The following ONECUT1 variants were observed in gnomAD, a reference collection of about 807,000 sequenced individuals.
ONECUT1 encodes the protein one cut homeobox 1, also known as hepatocyte nuclear factor 6.
A neutral mutation model predicts 25.6 loss-of-function variants in ONECUT1; 12 were observed. The observed-to-expected ratio is 0.47, with a 90% CI of 0.30 to 0.76. The LOEUF (loss-of-function observed/expected upper bound fraction) is 0.76. Ranked by LOEUF, ONECUT1 falls within the 30% of genes least tolerant of loss-of-function variation. ONECUT1 has a pLI of 0.07. For synonymous variants in ONECUT1, 285 were observed against 270.2 expected (o/e 1.05, Z -0.54); for missense variants, 620 against 651.2 (o/e 0.95, Z 0.52).
chr15:52,757,874 A>G (rs1896057546), intron 1 of ONECUT1, 27 bp from the exon 2 acceptor site: 5 of 1,603,182 alleles, frequency 3.1e-6, no homozygotes, highest in Non-Finnish European at 4.3e-6. Flanking sequence ...AAGATGTTAG[A>G]ACAAATGGTC....
Position 52,784,369 on chromosome 15 carries a change from A to G in ONECUT1, c.1105+4411T>C, listed in dbSNP as rs2083860409. Among the ~76,000 whole-genome samples the G allele has an allele frequency of 6.6e-6, 1 of 152,206 alleles. No homozygotes were observed. Among genetic ancestry groups the G allele is most frequent in the South Asian group, 2.1e-4 (1 of 4,828 alleles). ...CCGGGATCCCTCTCCGGATGCTTCC[A>G]GGGCGATAGGTGCTGCACCCATTGA... On this transcript the variant is annotated intron_variant, in intron 1 of 1. Coordinates refer to ENST00000305901, the MANE Select transcript of ONECUT1 (RefSeq NM_004498.4). This position sits in a 1 kb window ranked among gnomAD's most constrained non-coding sequence, Gnocchi z 5.0.
In ONECUT1 at chr15:52,756,699, A is replaced by G. The variant is rs1443579043; in HGVS notation, c.*856T>C. On this transcript the variant is annotated 3_prime_UTR_variant, in exon 2 of 2. Transcript: ENST00000305901. ...CCAGTTCTGAAAACTCATATTTCAA[A>G]TGCTTCAAGAGTCATAAATAATAGT... is the stretch of plus-strand genomic sequence containing the variant. 1.3e-5 allele frequency among the ~76,000 whole-genome samples: 2 copies of G among 152,244 alleles called. No homozygotes were observed. Among genetic ancestry groups the G allele is most frequent in the Non-Finnish European group, 2.9e-5 (2 of 68,048 alleles).
chr15:52,784,520 C>T lies in ONECUT1; in HGVS notation c.1105+4260G>A, dbSNP rs998036839. Among the ~76,000 whole-genome samples, 7 of 152,186 alleles carry T rather than the reference C, an allele frequency of 4.6e-5. No individual in the cohort carries two copies. Among genetic ancestry groups the T allele is most frequent in the African/African-American group, 1.4e-4 (6 of 41,448 alleles). On this transcript the variant is annotated intron_variant, in intron 1 of 1. Coordinates refer to ENST00000305901, the MANE Select transcript of ONECUT1 (RefSeq NM_004498.4). This position sits in a 1 kb window ranked among gnomAD's most constrained non-coding sequence, Gnocchi z 5.0. ...CCTTAAGCCCCAGAAGTAGGTTTCC[C>T]CTGCCCCAGCCATAGCGGTTCCAGT...
At chr15:52,787,276 G>T (rs532643994) in intron 1 of ONECUT1, 1 of 152,350 alleles carries the variant, frequency 6.6e-6, no homozygotes, top group Non-Finnish European at 1.5e-5. Context: ...GGAAAACCTG[G>T]CAGGGCAGAG....
At chr15:52,774,548 C>T (rs1229792287) in intron 1 of ONECUT1, among the ~76,000 whole-genome samples, 1 of 152,164 alleles carries the variant, frequency 6.6e-6, no homozygotes, top group Non-Finnish European at 1.5e-5. Context: ...GATCCTCCCA[C>T]CTCGCCCTCC....
chr15:52,766,676 G>A (rs1366368523), intron 1 of ONECUT1, among the ~76,000 whole-genome samples: 1 of 152,248 alleles, frequency 6.6e-6, no homozygotes, highest in African/African-American at 2.4e-5. Context: ...GCATGGGATA[G>A]TTGTCTCCTT....
Position 52,788,852 on chromosome 15 carries a change from C to T in ONECUT1, c.1033G>A (p.Glu345Lys). The change falls in exon 1 of 2, where the codon GAG becomes AAG. Residue 345 changes from glutamate to lysine, a missense_variant. Physicochemically the swap from Glu to Lys is moderately conservative, Grantham distance 56. Transcript: ENST00000305901. The surrounding 1 kb of genome is among the most constrained non-coding windows in gnomAD (Gnocchi z 4.3). ...KPWSKLKSGR[E>K]TFRRMWKWLQ... ...CACTTCCACATCCTCCGGAAGGTCTCCCGGCCGGATTTGAGTTTGCTCCAG... is the reference window on the plus strand; with the variant it reads ...CACTTCCACATCCTCCGGAAGGTCTTCCGGCCGGATTTGAGTTTGCTCCAG... The T allele has an allele frequency of 1.9e-6, 3 of 1,614,158 alleles. No homozygotes were observed. The highest frequency in any genetic ancestry group is 2.5e-6 in the Non-Finnish European group (3 of 1,180,022).
intron 1 of ONECUT1, among the ~76,000 whole-genome samples, chr15:52,777,931 A>G (rs1306929088): frequency 6.6e-6 from 1 of 152,218 alleles, no homozygotes; most frequent in Admixed American, 6.5e-5. Flanking sequence ...CTCCCGTCCA[A>G]AAATGGCTGA....
intron 1 of ONECUT1, 90 bp from the exon 2 acceptor site, chr15:52,757,937 C>G (rs376533339): frequency 2.2e-6 from 3 of 1,370,962 alleles, no homozygotes. Context: ...GTTAGCCATT[C>G]CTCATGGCCT....
chr15:52,780,719 GTTTA>G (rs1205177067), intron 1 of ONECUT1: 15 of 1,504,480 alleles, frequency 1.0e-5, no homozygotes, highest in Middle Eastern at 1.7e-4. Flanking sequence ...TCGCTCGTTT[GTTTA>G]TTTAATTTTC....
chr15:52,765,091 A>T (rs2083726662), intron 1 of ONECUT1, among the ~76,000 whole-genome samples: 1 of 152,220 alleles, frequency 6.6e-6, no homozygotes, highest in African/African-American at 2.4e-5. Flanking sequence ...GGGGTAGGGA[A>T]CAACAATATC....
chr15:52,758,885 C>T (rs1258989373), intron 1 of ONECUT1, among the ~76,000 whole-genome samples: 2 of 152,158 alleles, frequency 1.3e-5, no homozygotes, highest in African/African-American at 4.8e-5. Context: ...TAACAATGCA[C>T]ACTGCCCCTC....
At position 52,789,656 on chromosome 15, in the gene ONECUT1, G is replaced by T. The variant is rs1202547947; in HGVS notation, c.229C>A (p.His77Asn). The change falls in exon 1 of 2, where the codon CAC becomes AAC. Residue 77 changes from histidine (H) to asparagine (N), a missense_variant. Physicochemically the swap from His to Asn is moderately conservative, Grantham distance 68. Around this residue, in one of 4 missense-constraint regions of ONECUT1, gnomAD observed 440 missense variants for 404.9 expected, o/e 1.09. Transcript: ENST00000305901. The surrounding 1 kb of genome is among the most constrained non-coding windows in gnomAD (Gnocchi z 4.1). ...DYHHHHRAPE[H>N]SLAGPLHPTM... ...GGATGCAGGGGGCCGGCCAGGCTGTGCTCAGGGGCCCGGTGGTGGTGGTGG... is the reference window on the plus strand; with the variant it reads ...GGATGCAGGGGGCCGGCCAGGCTGTTCTCAGGGGCCCGGTGGTGGTGGTGG... 1 of 1,542,612 alleles carries T rather than the reference G, an allele frequency of 6.5e-7. No homozygotes were observed. Among genetic ancestry groups the T allele is most frequent in the South Asian group, 1.3e-5 (1 of 79,912 alleles).
chr15:52,789,139 G>A lies in ONECUT1; in HGVS notation c.746C>T (p.Pro249Leu), dbSNP rs1344737861. The change falls in exon 1 of 2, where the codon CCG (proline) becomes CTG (leucine). Residue 249 changes from proline to leucine, a missense_variant. Around this residue, in one of 4 missense-constraint regions of ONECUT1, gnomAD observed 440 missense variants for 404.9 expected, o/e 1.09. Coordinates refer to ENST00000305901, the MANE Select transcript of ONECUT1 (RefSeq NM_004498.4). The surrounding 1 kb of genome is among the most constrained non-coding windows in gnomAD (Gnocchi z 4.1). ...AGMVPINGLP[P>L]HHPHAHLNAQ... is the part of the protein sequence containing the mutation. ...GTTCAGGTGGGCGTGGGGATGGTGC[G>A]GAGGAAGGCCGTTGATGGGCACCAT... is the stretch of plus-strand genomic sequence containing the variant. The A allele has an allele frequency of 4.4e-6, 7 of 1,598,366 alleles. No homozygotes were observed. In the Admixed American group the frequency reaches 1.0e-4, roughly 23 times the overall value.
At chr15:52,770,980 A>G (rs2083763964) in intron 1 of ONECUT1, among the ~76,000 whole-genome samples, 2 of 152,216 alleles carry the variant, frequency 1.3e-5, no homozygotes, top group South Asian at 4.1e-4. Context: ...TTTGATGGGA[A>G]CATCAATTGG....
At position 52,756,735 on chromosome 15, in the gene ONECUT1, T is replaced by A. The variant is rs2083675554; in HGVS notation, c.*820A>T. ...GTCATAAATAATAGTCATGATTCTA[T>A]GTGGCATGTGTATTACAGCTAGATC... On this transcript the variant is annotated 3_prime_UTR_variant, in exon 2 of 2. Coordinates refer to ENST00000305901, the MANE Select transcript of ONECUT1 (RefSeq NM_004498.4). 6.6e-6 allele frequency among the ~76,000 whole-genome samples: 1 copy of A among 152,254 alleles called. No homozygotes were observed. Among genetic ancestry groups the A allele is most frequent in the Non-Finnish European group, 1.5e-5 (1 of 68,046 alleles).
chr15:52,780,378 C>T (rs773964298), intron 1 of ONECUT1, among the ~76,000 whole-genome samples: 18 of 152,218 alleles, frequency 1.2e-4, no homozygotes, highest in Non-Finnish European at 2.2e-4. Flanking sequence ...ATTACATAAT[C>T]ACCCAGCTCA....
intron 1 of ONECUT1, chr15:52,780,496 G>T: frequency 1.6e-6 from 2 of 1,218,662 alleles, no homozygotes; most frequent in Non-Finnish European, 2.3e-6. Flanking sequence ...TGACAAATAT[G>T]TCTTTGTCTA....
At chr15:52,777,733 C>CAAAAAAAAAAAAAAA (rs1402130601) in intron 1 of ONECUT1, among the ~76,000 whole-genome samples, 39 of 85,230 alleles carry the variant, frequency 4.6e-4, no homozygotes, top group East Asian at 3.8e-3. Context: ...CACACACACA[C>CAAAAAAAAAAAAAAA]ACACAAAAAA....
Sources: allele counts gnomAD v4.1 joint callset (sites outside exome capture counted in the v4.1 genomes callset), GRCh38; gene constraint gnomAD v4.1.1; regional missense constraint gnomAD v4.1.1; non-coding constraint Gnocchi (gnomAD v3.1); transcripts MANE v1.5; gene names NCBI Gene and HGNC (gene_info 2026-07-23, HGNC 2026-07-21).